SORCS1: variants seen among roughly 807,000 people sequenced by gnomAD.
SORCS1 encodes the protein VPS10 domain-containing receptor SorCS1.
SORCS1 carries 60 observed loss-of-function variants against 146.1 expected under a neutral mutation model. The ratio of observed to expected loss-of-function variants is 0.41; its 90% CI spans 0.33 to 0.51. The LOEUF is 0.51. Ranked by LOEUF, SORCS1 falls within the 20% of genes least tolerant of loss-of-function variation. SORCS1 has a pLI of 0.21. For synonymous variants in SORCS1, 637 were observed against 584.0 expected, an observed-to-expected ratio of 1.09 and a Z score of -1.31; for missense variants, 1,352 against 1,487.6, an observed-to-expected ratio of 0.91 and a Z score of 1.50.
chr10:106,844,268 T>C (rs1288226017), intron 2 of SORCS1, among the ~76,000 whole-genome samples: 1 of 152,202 alleles, frequency 6.6e-6, no homozygotes, highest in African/African-American at 2.4e-5. Context: ...TATAAGTTTC[T>C]TATATATTGT....
intron 1 of SORCS1, among the ~76,000 whole-genome samples, chr10:107,101,292 C>T (rs1378460749): frequency 2.6e-5 from 4 of 152,166 alleles, no homozygotes; most frequent in South Asian, 4.1e-4. Context: ...GTGATCCACC[C>T]GCCTTGGCCT....
intron 17 of SORCS1, 75 bp downstream of exon 17, chr10:106,667,614 G>T: frequency 1.0e-6 from 1 of 963,674 alleles, no homozygotes; most frequent in Admixed American, 1.9e-5. Flanking sequence ...TTGATCAGAA[G>T]TAATTCTGTC....
intron 14 of SORCS1, among the ~76,000 whole-genome samples, chr10:106,673,865 G>A (rs552055810): frequency 2.0e-5 from 3 of 152,196 alleles, no homozygotes; most frequent in South Asian, 4.2e-4. Context: ...GCCATGAAGT[G>A]GCCTGTTGGG....
intron 1 of SORCS1, among the ~76,000 whole-genome samples, chr10:107,072,284 G>A (rs1469894983): frequency 6.6e-6 from 1 of 152,200 alleles, no homozygotes; most frequent in Non-Finnish European, 1.5e-5. Context: ...GCTTCCCAAA[G>A]CAGAGTGCAG....
chr10:107,178,502 A>AT, the SORCS1 span, among the ~76,000 whole-genome samples: 96 of 128,182 alleles, frequency 7.5e-4, no homozygotes, highest in African/African-American at 2.1e-3. Flanking sequence ...ATATATATAT[A>AT]TTTTTTTTTA....
chr10:106,895,123 T>C (rs113612411), intron 2 of SORCS1, among the ~76,000 whole-genome samples: 15 of 152,282 alleles, frequency 9.9e-5, no homozygotes, highest in Non-Finnish European at 1.6e-4. Context: ...CACAGTTAGA[T>C]GATTTCCTGC....
chr10:106,711,105 T>C lies in SORCS1; in HGVS notation c.1025-1764A>G, dbSNP rs138953369. Among the ~76,000 whole-genome samples, 801 of 152,366 alleles carry C rather than the reference T, an allele frequency of 5.3e-3. 9 individuals are homozygous for C. The highest frequency in any genetic ancestry group is 0.019 in the African/African-American group (784 of 41,582). On this transcript the variant is annotated intron_variant, in intron 6 of 25. Coordinates refer to ENST00000263054, the MANE Select transcript of SORCS1 (RefSeq NM_052918.5). ...ATAAAGACAAATGCCTTTTTTGTTT[T>C]TGTTGTTGTTGCTGTTATTCACTGT...
chr10:106,732,978 G>A (rs1006566056), intron 5 of SORCS1, among the ~76,000 whole-genome samples: 7 of 151,560 alleles, frequency 4.6e-5, no homozygotes, highest in African/African-American at 9.8e-5. Context: ...AATTAGCTGG[G>A]TGTGGTGGTG....
At chr10:107,098,784 C>G (rs1964712151) in intron 1 of SORCS1, among the ~76,000 whole-genome samples, 1 of 152,194 alleles carries the variant, frequency 6.6e-6, no homozygotes, top group Non-Finnish European at 1.5e-5. Flanking sequence ...TGACTTCTCC[C>G]ATGTGGCTCT....
At chr10:106,803,673 T>C (rs1947025878) in intron 3 of SORCS1, among the ~76,000 whole-genome samples, 1 of 152,202 alleles carries the variant, frequency 6.6e-6, no homozygotes, top group African/African-American at 2.4e-5. Context: ...TATTGACTGA[T>C]GTGAATAATG....
chr10:106,627,348 T>C (rs1180717407), intron 19 of SORCS1, among the ~76,000 whole-genome samples: 4 of 152,322 alleles, frequency 2.6e-5, no homozygotes, highest in South Asian at 2.1e-4. Context: ...ATTTGTGGTA[T>C]ATGGAACACA....
intron 5 of SORCS1, among the ~76,000 whole-genome samples, chr10:106,737,070 T>TG: frequency 6.6e-6 from 1 of 152,108 alleles, no homozygotes; most frequent in East Asian, 1.9e-4. Flanking sequence ...AGTGTGTGTG[T>TG]ATGTGTAGGT....
At chr10:106,844,801 A>G (rs1265206610) in intron 2 of SORCS1, among the ~76,000 whole-genome samples, 1 of 133,744 alleles carries the variant, frequency 7.5e-6, no homozygotes, top group Non-Finnish European at 1.5e-5. Context: ...CTCATTGTTC[A>G]ATTCCCACCT....
intron 3 of SORCS1, among the ~76,000 whole-genome samples, chr10:106,816,745 G>C (rs979286823): frequency 9.9e-5 from 15 of 152,062 alleles, no homozygotes; most frequent in African/African-American, 2.7e-4. Context: ...CTCTCTTCTT[G>C]TTTGAAAAAA....
At position 106,882,834 on chromosome 10, in the gene SORCS1, T is replaced by A. The variant is rs150372653; in HGVS notation, c.627-53161A>T. Among the ~76,000 whole-genome samples the A allele has an allele frequency of 5.4e-3, 823 of 152,264 alleles. 2 individuals are homozygous for A. Among genetic ancestry groups the A allele is most frequent in the Non-Finnish European group, 8.2e-3 (555 of 68,018 alleles). On this transcript the variant is annotated intron_variant, in intron 2 of 25. Transcript: ENST00000263054. ...GATGGAGACGCAGCACAGGCTTGGA[T>A]TTGGGGCTCTGCACTTGACAACCTC...
At chr10:106,739,319 C>T (rs1857187216) in intron 5 of SORCS1, among the ~76,000 whole-genome samples, 1 of 151,538 alleles carries the variant, frequency 6.6e-6, no homozygotes, top group Non-Finnish European at 1.5e-5. Context: ...AACCTCATCT[C>T]ACTAAAAATA....
intron 9 of SORCS1, among the ~76,000 whole-genome samples, chr10:106,693,245 T>C (rs1252036): frequency 0.8 from 122,467 of 152,162 alleles, 51,680 homozygotes; most frequent in Non-Finnish European, 0.94. Context: ...TTGTGAATCT[T>C]TGCATGCTTT....
chr10:106,857,081 A>C (rs1410818023), intron 2 of SORCS1, among the ~76,000 whole-genome samples: 3 of 152,102 alleles, frequency 2.0e-5, no homozygotes, highest in Non-Finnish European at 1.5e-5. Flanking sequence ...CCATCTCCTG[A>C]TTACTCTAAG....
chr10:106,709,205 G>T lies in SORCS1; in HGVS notation c.1143+18C>A, dbSNP rs201312927. Reference sequence around the variant, plus strand: ...AGAAAGGTTTCTGAGACAATCAACAGAAGTGGATTTTTCCTACCTGAACAA... The same window carrying T: ...AGAAAGGTTTCTGAGACAATCAACATAAGTGGATTTTTCCTACCTGAACAA... On this transcript the variant is annotated intron_variant, in intron 7 of 25. Transcript: ENST00000263054. The T allele has an allele frequency of 2.4e-5, 38 of 1,561,800 alleles. No homozygotes were observed. The highest frequency in any genetic ancestry group is 2.6e-5 in the Non-Finnish European group (29 of 1,133,270).
Sources: allele counts gnomAD v4.1 joint callset (sites outside exome capture counted in the v4.1 genomes callset), GRCh38; gene constraint gnomAD v4.1.1; transcripts MANE v1.5; gene names NCBI Gene and HGNC (gene_info 2026-07-23, HGNC 2026-07-21).